Variants in DCAKD observed in about 807,000 individuals in gnomAD.
The protein encoded by DCAKD is dephospho-CoA kinase domain containing.
In DCAKD, 15 loss-of-function variants were observed where a neutral mutation model predicts 18.7. The ratio of observed to expected loss-of-function variants is 0.80; its 90% CI spans 0.54 to 1.24. The LOEUF is 1.24. Ranked by LOEUF, DCAKD falls within the 50% of genes most tolerant of loss-of-function variation. The pLI, the probability that DCAKD is intolerant of heterozygous loss-of-function variation, is 0.00. For synonymous variants in DCAKD, 130 were observed against 133.0 expected (o/e 0.98, Z 0.16); for missense variants, 301 against 322.0 (o/e 0.93, Z 0.50).
intron 1 of DCAKD, among the ~76,000 whole-genome samples, chr17:45,050,747 G>C (rs898563993): frequency 3.3e-5 from 5 of 151,604 alleles, no homozygotes; most frequent in African/African-American, 1.2e-4. Context: ...CTCACCGTTA[G>C]AATTGAGACT....
At chr17:45,027,183 A>G (rs1267508541) in intron 4 of DCAKD, among the ~76,000 whole-genome samples, 4 of 152,198 alleles carry the variant, frequency 2.6e-5, no homozygotes, top group Admixed American at 6.5e-5. Context: ...TCTACAAAAA[A>G]TAAAAAAATT....
In DCAKD at chr17:45,024,720, G is replaced by A. The variant is rs145143667; in HGVS notation, c.409C>T (p.Arg137Trp). The change falls in exon 5 of 5, where the codon CGG (arginine) becomes TGG (tryptophan). Residue 137 changes from arginine to tryptophan, a missense_variant. Arg to Trp is a moderately radical substitution (Grantham distance 101). Transcript: ENST00000651974. The part of the protein sequence containing the change: ...MKHTVVVYCD[R>W]DTQLARLMRR... ...ATCAGCCGTGCCAGCTGTGTGTCCC[G>A]GTCGCTAAGGATAGGGCAAAAGGGC... 3.0e-4 allele frequency: 475 copies of A among 1,571,482 alleles called. 3 individuals carry two copies. The African/African-American group carries it at 5.6e-3, about 18-fold the overall frequency.
intron 1 of DCAKD, among the ~76,000 whole-genome samples, chr17:45,043,362 G>A (rs922680586): frequency 6.6e-6 from 1 of 152,194 alleles, no homozygotes; most frequent in East Asian, 1.9e-4. Flanking sequence ...CTCAGTGTGT[G>A]ACATGTCACA....
In DCAKD at chr17:45,047,846, T is replaced by C. The variant is rs188045155; in HGVS notation, c.-115+3515A>G. Among the ~76,000 whole-genome samples, 32 of 152,176 alleles carry C rather than the reference T, an allele frequency of 2.1e-4. No individual in the cohort carries two copies. In the East Asian group the frequency reaches 5.8e-3, roughly 28 times the overall value. ...CCTGAGCTCAAGTAATCTGCCTGCTTTGGCCTCCCAAAATGTTGAGACTAC... is the reference window on the plus strand; with the variant it reads ...CCTGAGCTCAAGTAATCTGCCTGCTCTGGCCTCCCAAAATGTTGAGACTAC... On this transcript the variant is annotated intron_variant, in intron 1 of 4. Transcript: ENST00000651974.
upstream of DCAKD, among the ~76,000 whole-genome samples, chr17:45,055,560 A>T (rs1320966019): frequency 6.6e-6 from 1 of 152,006 alleles, no homozygotes; most frequent in African/African-American, 2.4e-5. Context: ...GTCCTAAGTC[A>T]TATCATTCTC....
At chr17:45,060,537 A>G (rs1375559406) in intron 1 of DCAKD, among the ~76,000 whole-genome samples, 1 of 152,060 alleles carries the variant, frequency 6.6e-6, no homozygotes, top group Non-Finnish European at 1.5e-5. Flanking sequence ...GAAAGAAAGA[A>G]AAGAAAAGAA....
At chr17:45,032,062 T>C (rs745647658) in intron 3 of DCAKD, 1 of 985,352 alleles carries the variant, frequency 1.0e-6, no homozygotes, top group Non-Finnish European at 1.2e-6. Flanking sequence ...CATTATCCGA[T>C]GTTTAATTTC....
chr17:45,034,718 G>A, intron 2 of DCAKD, 56 bp downstream of exon 2: 1 of 1,565,402 alleles, frequency 6.4e-7, no homozygotes, highest in Non-Finnish European at 8.7e-7. Flanking sequence ...ATGGCAGAAG[G>A]CCGGAAGCGT....
Position 45,034,781 on chromosome 17 carries a change from G to C in DCAKD, c.105C>G (p.Ala35=), listed in dbSNP as rs749850817. The C allele has an allele frequency of 1.3e-5, 21 of 1,614,110 alleles. No homozygotes were observed. The South Asian group carries it at 2.3e-4, about 18-fold the overall frequency. Residue 35 remains alanine (A), a synonymous_variant, in exon 2 of 5, where the codon GCC becomes GCG. Coordinates refer to ENST00000651974, the MANE Select transcript of DCAKD (RefSeq NM_001288655.2). The part of the protein sequence containing the change: ...GCAVIDVDVM[A]RHVVQPGYPA... ...CCTGCCCCTCCAACTCACCGTGCCGGGCCATCACGTCCACGTCAATCACCG... is the reference window on the plus strand; with the variant it reads ...CCTGCCCCTCCAACTCACCGTGCCGCGCCATCACGTCCACGTCAATCACCG...
In DCAKD at chr17:45,058,343, A is replaced by C. The variant is rs143975051; in HGVS notation, c.-118+2545T>G. On this transcript the variant is annotated intron_variant, in intron 1 of 4. Transcript: ENST00000310604. ...TAATAATAAATAAAAATAACACACA[A>C]AATATCTTTTTATCTTTTATTTTAT... Among the ~76,000 whole-genome samples the C allele has an allele frequency of 1.7e-3, 254 of 152,142 alleles. 1 individual carries two copies. Among genetic ancestry groups the C allele is most frequent in the African/African-American group, 5.8e-3 (241 of 41,526 alleles).
intron 4 of DCAKD, among the ~76,000 whole-genome samples, chr17:45,025,766 T>C (rs1317031059): frequency 7.8e-6 from 1 of 128,784 alleles, no homozygotes; most frequent in African/African-American, 2.7e-5. Context: ...TTTTTTTTTT[T>C]TTCCTGAGAC....
intron 1 of DCAKD, among the ~76,000 whole-genome samples, chr17:45,060,519 AAAAG>A (rs981950202): frequency 2.8e-4 from 43 of 152,282 alleles, no homozygotes; most frequent in Middle Eastern, 3.4e-3. Context: ...TAAAAAAGAA[AAAAG>A]AAAGAAAGAA....
At chr17:45,051,934 GGCGGGCGGGCGGAC>G, upstream of DCAKD, among the ~76,000 whole-genome samples, 1 of 1,750 alleles carries the variant, frequency 5.7e-4, no homozygotes, top group African/African-American at 2.9e-3. Context: ...GGAGAGGTTG[GGCGGGCGGGCGGAC>G]GCGGGAGAGG....
chr17:45,033,831 A>G, intron 3 of DCAKD: 1 of 1,196,482 alleles, frequency 8.4e-7, no homozygotes, highest in Non-Finnish European at 1.1e-6. Flanking sequence ...CACTCAATGA[A>G]GTCACACAGC....
rs1347509453 is a variant in DCAKD at position 45,024,048 on chromosome 17, A to G, written c.*385T>C. On this transcript the variant is annotated 3_prime_UTR_variant, in exon 5 of 5. Transcript: ENST00000651974. ...AGGTGCTTAGAGAGGATTCAAGCCC[A>G]GTGAACCCTTGGCCTCCCAGCTCTG... 6.0e-5 allele frequency: 12 copies of G among 199,436 alleles called. No homozygotes were observed. The South Asian group carries it at 1.6e-3, about 26-fold the overall frequency. The allele number at this position is 199,436 out of a possible 1,614,324, so 12.4% of individuals were successfully genotyped here.
chr17:45,035,326 C>T (rs1170310289), intron 1 of DCAKD, among the ~76,000 whole-genome samples: 1 of 151,832 alleles, frequency 6.6e-6, no homozygotes, highest in African/African-American at 2.4e-5. Context: ...ACTAAAAATA[C>T]AAAAATTAGC....
At chr17:45,030,270 A>G in intron 3 of DCAKD, 91 bp from the exon 4 acceptor site, 2 of 1,183,806 alleles carry the variant, frequency 1.7e-6, no homozygotes, top group Non-Finnish European at 2.5e-6. Context: ...CAGAGCGCCC[A>G]GCAGAGGGGC....
At chr17:45,051,172 A>G (rs1311492883) in intron 1 of DCAKD, among the ~76,000 whole-genome samples, 189 bp downstream of exon 1, 3 of 152,362 alleles carry the variant, frequency 2.0e-5, no homozygotes, top group Non-Finnish European at 4.4e-5. Context: ...GCTAGATTCA[A>G]GAATCAATCG....
intron 4 of DCAKD, 131 bp downstream of exon 4, chr17:45,029,961 G>C: frequency 1.2e-6 from 1 of 811,984 alleles, no homozygotes; most frequent in South Asian, 1.5e-5. Context: ...TACAGACCCT[G>C]AGCACTGCTG....
Sources: allele counts gnomAD v4.1 joint callset (sites outside exome capture counted in the v4.1 genomes callset), GRCh38; gene constraint gnomAD v4.1.1; transcripts MANE v1.5; gene names NCBI Gene and HGNC (gene_info 2026-07-23, HGNC 2026-07-21).